SORCS1: variants seen among roughly 807,000 people sequenced by gnomAD.
The protein encoded by SORCS1 is VPS10 domain-containing receptor SorCS1.
SORCS1 carries 60 observed loss-of-function variants against 146.1 expected under a neutral mutation model. The ratio of observed to expected loss-of-function variants is 0.41; its 90% CI spans 0.33 to 0.51. SORCS1 has a LOEUF of 0.51. Among genes scored for constraint, SORCS1 ranks in the 20% least tolerant of loss-of-function variants. The probability of loss-of-function intolerance (pLI) is 0.21; values close to 1 mark genes in which losing one functional copy is unlikely to be tolerated. For missense variants in SORCS1, 1,352 were observed against 1,487.6 expected (o/e 0.91, Z 1.50); for synonymous variants, 637 against 584.0 (o/e 1.09, Z -1.31).
Position 106,709,282 on chromosome 10 carries a change from A to G in SORCS1, c.1084T>C (p.Phe362Leu), listed in dbSNP as rs904701817. Residue 362 changes from phenylalanine (F) to leucine (L), a missense_variant, in exon 7 of 26, where the codon TTT becomes CTT. Physicochemically the swap from Phe to Leu is conservative, Grantham distance 22 (BLOSUM62 0). Transcript: ENST00000263054. ...GAGTCTGGGTCAATGTAGCCTGGAAAAGGCTGATTCCTGTTGGCCTCTGTA... is the reference window on the plus strand; with the variant it reads ...GAGTCTGGGTCAATGTAGCCTGGAAGAGGCTGATTCCTGTTGGCCTCTGTA... ...NCTEANRNQP[F>L]PGYIDPDSLI... is the part of the protein sequence containing the mutation. 2 of 1,613,818 alleles carry G rather than the reference A, an allele frequency of 1.2e-6. No individual in the cohort carries two copies. The highest frequency in any genetic ancestry group is 2.7e-5 in the African/African-American group (2 of 74,894).
intron 15 of SORCS1, 107 bp downstream of exon 15, chr10:106,672,761 A>T (rs1332701036): frequency 1.4e-5 from 11 of 813,146 alleles, no homozygotes; most frequent in Non-Finnish European, 2.0e-6. Flanking sequence ...CAGTAGATGG[A>T]CATTTTGGCC....
At chr10:107,098,427 T>C (rs1454895308) in intron 1 of SORCS1, among the ~76,000 whole-genome samples, 1 of 152,232 alleles carries the variant, frequency 6.6e-6, no homozygotes, top group African/African-American at 2.4e-5. Flanking sequence ...CTGTCTCTAT[T>C]GCCTAAATCA....
At chr10:106,809,996 G>A (rs76594817) in intron 3 of SORCS1, among the ~76,000 whole-genome samples, 2,360 of 152,256 alleles carry the variant, frequency 0.016, 84 homozygotes, top group African/African-American at 0.054. Context: ...AGAGGCGGGC[G>A]GATCACCTGC....
At chr10:106,600,421 A>T (rs1846171577) in intron 23 of SORCS1, 5 of 982,026 alleles carry the variant, frequency 5.1e-6, no homozygotes, top group Non-Finnish European at 6.0e-6. Flanking sequence ...TAAGAAAACA[A>T]AACTAAATAA....
chr10:106,811,258 A>C (rs1947444809), intron 3 of SORCS1, among the ~76,000 whole-genome samples: 1 of 152,294 alleles, frequency 6.6e-6, no homozygotes, highest in African/African-American at 2.4e-5. Context: ...TCCACTGTCC[A>C]GTAGAGGACT....
intron 23 of SORCS1, among the ~76,000 whole-genome samples, chr10:106,602,884 C>A (rs1474035201): frequency 6.6e-6 from 1 of 152,122 alleles, no homozygotes; most frequent in African/African-American, 2.4e-5. Context: ...TAATAAATTT[C>A]TATTTTCTTA....
At chr10:106,957,880 C>T (rs574473218) in intron 1 of SORCS1, among the ~76,000 whole-genome samples, 11 of 152,226 alleles carry the variant, frequency 7.2e-5, no homozygotes, top group Admixed American at 2.6e-4. Context: ...TATTAGGAGC[C>T]CAGGATTTTG....
intron 1 of SORCS1, among the ~76,000 whole-genome samples, chr10:107,069,882 T>C (rs1962269700): frequency 6.6e-6 from 1 of 152,222 alleles, no homozygotes; most frequent in Non-Finnish European, 1.5e-5. Context: ...TCAGTGCTTT[T>C]TAGTATATTC....
chr10:106,994,617 C>T (rs1324686580), intron 1 of SORCS1, among the ~76,000 whole-genome samples: 1 of 152,160 alleles, frequency 6.6e-6, no homozygotes, highest in Non-Finnish European at 1.5e-5. Flanking sequence ...GAAGTATATG[C>T]CACTGAGCTG....
intron 1 of SORCS1, among the ~76,000 whole-genome samples, chr10:106,964,513 G>A (rs577595143): frequency 9.3e-4 from 142 of 151,972 alleles, no homozygotes; most frequent in African/African-American, 3.3e-3. Context: ...TTGAGATGGA[G>A]TCTCACCTTG....
At chr10:106,600,658 A>G (rs1846183246) in intron 23 of SORCS1, 1 of 985,448 alleles carries the variant, frequency 1.0e-6, no homozygotes, top group Non-Finnish European at 1.2e-6. Flanking sequence ...GCTTCTTACT[A>G]TCTTTTCTAG....
chr10:107,015,229 G>A (rs551042039), intron 1 of SORCS1, among the ~76,000 whole-genome samples: 13 of 152,340 alleles, frequency 8.5e-5, no homozygotes, highest in African/African-American at 2.6e-4. Flanking sequence ...CTTGGGATAT[G>A]TTAGCCAACA....
chr10:106,874,708 A>T (rs901060877), intron 2 of SORCS1, among the ~76,000 whole-genome samples: 15 of 152,232 alleles, frequency 9.9e-5, no homozygotes, highest in Non-Finnish European at 2.1e-4. Flanking sequence ...ACAAACTACA[A>T]GTGCAAATGC....
At chr10:107,012,890 T>C (rs1957747077) in intron 1 of SORCS1, among the ~76,000 whole-genome samples, 1 of 152,188 alleles carries the variant, frequency 6.6e-6, no homozygotes, top group Non-Finnish European at 1.5e-5. Flanking sequence ...ATATGAAGGA[T>C]GCATCCTAAG....
At position 106,624,468 on chromosome 10, in the gene SORCS1, C is replaced by T. The variant is rs553507167; in HGVS notation, c.2663-3907G>A. Among the ~76,000 whole-genome samples the T allele has an allele frequency of 4.7e-5, 7 of 148,044 alleles. No homozygotes were observed. The South Asian group carries it at 1.3e-3, about 27-fold the overall frequency. ...CTCTGCCTCCTGGGTTCAAGTGATA[C>T]CCCTGCTTCATCCTCATGAGTAGCT... On this transcript the variant is annotated intron_variant, in intron 19 of 25. Transcript: ENST00000263054.
chr10:106,657,611 A>AAT (rs1221062342), intron 17 of SORCS1, among the ~76,000 whole-genome samples: 6 of 150,538 alleles, frequency 4.0e-5, no homozygotes, highest in Non-Finnish European at 1.5e-5. Context: ...GTATTGAAAT[A>AAT]ATATATATAA....
chr10:106,843,015 A>G (rs181020653), intron 2 of SORCS1, among the ~76,000 whole-genome samples: 25 of 152,318 alleles, frequency 1.6e-4, no homozygotes, highest in African/African-American at 5.3e-4. Flanking sequence ...ATACAATATA[A>G]TGTTTTCATA....
chr10:106,612,312 G>C (rs1382828174), intron 21 of SORCS1, among the ~76,000 whole-genome samples: 1 of 151,126 alleles, frequency 6.6e-6, no homozygotes, highest in Non-Finnish European at 1.5e-5. Flanking sequence ...TGAGAGAGGA[G>C]ACCACCCCCC....
intron 5 of SORCS1, among the ~76,000 whole-genome samples, chr10:106,740,272 G>A (rs1857274126): frequency 1.3e-5 from 2 of 152,310 alleles, no homozygotes; most frequent in Admixed American, 1.3e-4. Context: ...CCCCTAGGGT[G>A]TGGGTGCAGG....
Sources: gnomAD v4.1 joint callset for allele counts (sites outside exome capture counted in the v4.1 genomes callset) on GRCh38, gnomAD v4.1.1 for gene constraint, MANE v1.5 for transcripts, NCBI Gene and HGNC (gene_info 2026-07-23, HGNC 2026-07-21) for gene names.